The following AGK variants were observed in gnomAD, a reference collection of about 807,000 sequenced individuals.
AGK encodes acylglycerol kinase, mitochondrial.
AGK carries 52 observed loss-of-function variants against 66.4 expected under a neutral mutation model. That is an observed-to-expected ratio of 0.78 (90% CI 0.63 to 0.99). AGK has a LOEUF of 0.99. Among genes scored for constraint, AGK ranks in the 50% least tolerant of loss-of-function variants. The pLI, the probability that AGK is intolerant of heterozygous loss-of-function variation, is 0.00. For missense variants in AGK, 451 were observed against 506.6 expected (o/e 0.89, Z 1.05); for synonymous variants, 182 against 181.1 (o/e 1.00, Z -0.04).
chr7:141,590,959 A>C (rs765939638), intron 2 of AGK, among the ~76,000 whole-genome samples: 3 of 151,942 alleles, frequency 2.0e-5, no homozygotes, highest in Non-Finnish European at 4.4e-5. Flanking sequence ...GCCAATGGGG[A>C]CTGGGCTGAC....
At chr7:141,558,414 C>G (rs955014948) in intron 2 of AGK, among the ~76,000 whole-genome samples, 3 of 151,952 alleles carry the variant, frequency 2.0e-5, no homozygotes, top group African/African-American at 7.3e-5. Flanking sequence ...ATCTGCCCGC[C>G]TTGGCCTCTG....
chr7:141,569,239 CTAA>C (rs926093312), intron 2 of AGK, among the ~76,000 whole-genome samples: 7 of 152,094 alleles, frequency 4.6e-5, no homozygotes, highest in East Asian at 1.9e-4. Context: ...GAACGTACTA[CTAA>C]TAATAATGAT....
chr7:141,621,268 A>G (rs1270311387), intron 8 of AGK, among the ~76,000 whole-genome samples: 1 of 152,234 alleles, frequency 6.6e-6, no homozygotes, highest in African/African-American at 2.4e-5. Flanking sequence ...GTCCTGGAAA[A>G]TAAGAGAAAT....
intron 9 of AGK, among the ~76,000 whole-genome samples, chr7:141,626,004 T>C (rs1185462681): frequency 1.3e-5 from 2 of 152,226 alleles, no homozygotes; most frequent in Non-Finnish European, 2.9e-5. Flanking sequence ...TAGAAATATA[T>C]TTTTTAAAAA....
chr7:141,575,204 G>A (rs1384160669), intron 2 of AGK, among the ~76,000 whole-genome samples: 1 of 152,236 alleles, frequency 6.6e-6, no homozygotes, highest in Non-Finnish European at 1.5e-5. Context: ...AATGTCTGTA[G>A]AGAACAGAAG....
At chr7:141,566,547 TACA>T (rs1257346315) in intron 2 of AGK, among the ~76,000 whole-genome samples, 1 of 152,252 alleles carries the variant, frequency 6.6e-6, no homozygotes, top group East Asian at 1.9e-4. Context: ...TTTCAATTTC[TACA>T]ACATTTATTT....
Position 141,598,516 on chromosome 7 carries a change from C to T in AGK, c.221+1875C>T, listed in dbSNP as rs188012016. On this transcript the variant is annotated intron_variant, in intron 4 of 15. Coordinates refer to ENST00000649286, the MANE Select transcript of AGK (RefSeq NM_018238.4). The surrounding 1 kb of genome is among the most constrained non-coding windows in gnomAD (Gnocchi z 4.2). ...TCACTTCTTAAATCCCCAGTTTACT[C>T]ATCTGTAAAATCAGAAAGGCAATAG... Among the ~76,000 whole-genome samples, 79 of 152,254 alleles carry T rather than the reference C, an allele frequency of 5.2e-4. No homozygotes were observed. The highest frequency in any genetic ancestry group is 1.4e-3 in the Admixed American group (21 of 15,294).
At chr7:141,608,458 G>A (rs932356512) in intron 5 of AGK, among the ~76,000 whole-genome samples, 3 of 152,130 alleles carry the variant, frequency 2.0e-5, no homozygotes, top group African/African-American at 7.2e-5. Context: ...TTTGAAGCAT[G>A]GTAAAGAGGC....
chr7:141,593,395 C>T, intron 3 of AGK: 1 of 703,836 alleles, frequency 1.4e-6, no homozygotes, highest in South Asian at 1.5e-5. Context: ...ACGCCCACCC[C>T]TATAGACTGT....
intron 3 of AGK, chr7:141,594,094 G>A (rs1294953267): frequency 2.0e-5 from 3 of 152,050 alleles, no homozygotes; most frequent in South Asian, 4.2e-4. Context: ...CTAAACCTGT[G>A]TTTTACGAAT....
At chr7:141,597,890 C>CAAAAAAAAAA (rs56295907) in intron 4 of AGK, among the ~76,000 whole-genome samples, 13 of 71,428 alleles carry the variant, frequency 1.8e-4, no homozygotes, top group African/African-American at 5.4e-4. Context: ...GACTCTGTCT[C>CAAAAAAAAAA]AAAAAAAAAA....
intron 2 of AGK, among the ~76,000 whole-genome samples, chr7:141,565,859 C>T (rs1039186612): frequency 6.6e-6 from 1 of 152,188 alleles, no homozygotes; most frequent in Non-Finnish European, 1.5e-5. Context: ...CTGGCACCTA[C>T]TTTTGCCTGT....
intron 2 of AGK, among the ~76,000 whole-genome samples, chr7:141,588,596 A>G (rs981757096): frequency 2.6e-5 from 4 of 151,914 alleles, no homozygotes; most frequent in African/African-American, 7.3e-5. Flanking sequence ...AGCCTGGGGG[A>G]CAGAGTGATA....
intron 2 of AGK, among the ~76,000 whole-genome samples, chr7:141,565,637 C>CA (rs879711580): frequency 2.2e-3 from 292 of 130,132 alleles, no homozygotes; most frequent in South Asian, 0.018. Context: ...GACTTCGTCT[C>CA]AAAAAAAAAA....
intron 5 of AGK, among the ~76,000 whole-genome samples, chr7:141,602,141 G>C (rs988938753): frequency 2.0e-5 from 3 of 147,310 alleles, no homozygotes; most frequent in Non-Finnish European, 4.5e-5. Context: ...AAAACCATCT[G>C]GATCTGGAGC....
intron 3 of AGK, among the ~76,000 whole-genome samples, chr7:141,594,704 G>C (rs572171394): frequency 6.6e-6 from 1 of 151,938 alleles, no homozygotes; most frequent in Admixed American, 6.5e-5. Context: ...CCAGGCTGGA[G>C]TGCAATGGCA....
At chr7:141,639,381 T>C (rs1406692346) in intron 11 of AGK, among the ~76,000 whole-genome samples, 3 of 152,130 alleles carry the variant, frequency 2.0e-5, no homozygotes, top group Non-Finnish European at 2.9e-5. Context: ...AGAATATCCA[T>C]GTGTTTCTAG....
At chr7:141,567,349 C>A (rs1223601407) in intron 2 of AGK, among the ~76,000 whole-genome samples, 1 of 152,022 alleles carries the variant, frequency 6.6e-6, no homozygotes, top group Non-Finnish European at 1.5e-5. Flanking sequence ...TTATCTGACC[C>A]CTTTTGATTA....
intron 2 of AGK, among the ~76,000 whole-genome samples, chr7:141,565,927 T>C (rs1281709878): frequency 6.6e-6 from 1 of 152,240 alleles, no homozygotes; most frequent in Non-Finnish European, 1.5e-5. Context: ...CAGATTGCTA[T>C]TGCTTTGAGA....
Sources: gnomAD v4.1 joint callset for allele counts (sites outside exome capture counted in the v4.1 genomes callset) on GRCh38, gnomAD v4.1.1 for gene constraint, Gnocchi (gnomAD v3.1) non-coding constraint, MANE v1.5 for transcripts, NCBI Gene and HGNC (gene_info 2026-07-23, HGNC 2026-07-21) for gene names.